Variants in ESRRG observed in about 807,000 individuals in gnomAD.
ESRRG encodes the protein estrogen related receptor gamma, also known as estrogen-related receptor gamma.
Under a neutral mutation model 44.0 loss-of-function variants are expected in ESRRG, and 13 were observed. The ratio of observed to expected loss-of-function variants is 0.30; its 90% CI spans 0.19 to 0.47. ESRRG has a LOEUF of 0.47. Among genes scored for constraint, ESRRG ranks in the 20% least tolerant of loss-of-function variants. ESRRG has a pLI of 1.00. For synonymous variants in ESRRG, 215 were observed against 214.6 expected (o/e 1.00, Z -0.02); for missense variants, 395 against 580.6 (o/e 0.68, Z 3.29).
intron 2 of ESRRG, among the ~76,000 whole-genome samples, chr1:216,815,477 T>G (rs541653129): frequency 6.6e-6 from 1 of 152,246 alleles, no homozygotes. Flanking sequence ...TGGAGTGGGA[T>G]ATGCTACACA....
chr1:216,640,744 G>A (rs1022834424), intron 3 of ESRRG, among the ~76,000 whole-genome samples: 6 of 152,112 alleles, frequency 3.9e-5, no homozygotes, highest in Non-Finnish European at 7.4e-5. Context: ...TTATTCAAGT[G>A]TACACCTGAA....
rs565704335 is a variant in ESRRG at position 216,704,767 on chromosome 1, A to AT, written c.56+18476dup. On this transcript the variant is annotated intron_variant, in intron 1 of 6. Transcript: ENST00000408911. ...TATAATGTAAAAATTGGAGGAGTAG[A>AT]TTTTTTTTAAATCATAATTTAAATA... Among the ~76,000 whole-genome samples the AT allele has an allele frequency of 2.1e-3, 319 of 151,430 alleles. 1 individual carries two copies. Among genetic ancestry groups the AT allele is most frequent in the African/African-American group, 7.5e-3 (310 of 41,458 alleles).
At chr1:217,037,882 A>T (rs976132424) in intron 1 of ESRRG, among the ~76,000 whole-genome samples, 11 of 152,210 alleles carry the variant, frequency 7.2e-5, no homozygotes, top group African/African-American at 2.4e-4. Context: ...GGCCCCATGC[A>T]AGTCCGAAAT....
At chr1:216,829,804 T>C (rs924058771) in intron 2 of ESRRG, among the ~76,000 whole-genome samples, 6 of 152,058 alleles carry the variant, frequency 3.9e-5, no homozygotes, top group African/African-American at 1.4e-4. Flanking sequence ...TCCACCCTCC[T>C]CGGCCTCCCA....
At chr1:216,866,365 C>G (rs565649571) in intron 2 of ESRRG, among the ~76,000 whole-genome samples, 10 of 152,036 alleles carry the variant, frequency 6.6e-5, no homozygotes, top group African/African-American at 2.4e-4. Flanking sequence ...AAGGATTGCT[C>G]TTATTGTTAT....
At chr1:216,722,214 CTT>C (rs2086492543) in intron 1 of ESRRG, among the ~76,000 whole-genome samples, 1 of 152,224 alleles carries the variant, frequency 6.6e-6, no homozygotes, top group African/African-American at 2.4e-5. Flanking sequence ...CAAGGGCACT[CTT>C]TTCAGAATTA....
chr1:216,866,263 G>T (rs2096155418), intron 2 of ESRRG, among the ~76,000 whole-genome samples: 1 of 152,168 alleles, frequency 6.6e-6, no homozygotes, highest in South Asian at 2.1e-4. Context: ...GGACAGTGTA[G>T]TAAGTGACCA....
intron 2 of ESRRG, among the ~76,000 whole-genome samples, chr1:216,866,505 C>T (rs932687815): frequency 3.9e-5 from 6 of 152,018 alleles, no homozygotes; most frequent in Admixed American, 2.6e-4. Context: ...TACTAGCTCT[C>T]CAATGTAGCA....
chr1:216,839,758 A>G (rs1027476812), intron 2 of ESRRG, among the ~76,000 whole-genome samples: 3 of 152,046 alleles, frequency 2.0e-5, no homozygotes, highest in Admixed American at 1.3e-4. Context: ...CTCCTTGTCC[A>G]TCTATCAGAG....
intron 5 of ESRRG, among the ~76,000 whole-genome samples, chr1:216,556,459 G>T (rs1207803396): frequency 6.6e-6 from 1 of 152,122 alleles, no homozygotes; most frequent in Admixed American, 6.6e-5. Context: ...TCAGCACTCA[G>T]GAATTGTTTT....
intron 2 of ESRRG, among the ~76,000 whole-genome samples, chr1:216,653,329 G>T (rs1279990253): frequency 2.6e-5 from 4 of 152,076 alleles, no homozygotes; most frequent in East Asian, 1.9e-4. Context: ...GTGGCATACC[G>T]CTGTCATCTT....
intron 2 of ESRRG, among the ~76,000 whole-genome samples, chr1:216,806,124 G>A (rs2094784130): frequency 6.6e-6 from 1 of 152,206 alleles, no homozygotes; most frequent in African/African-American, 2.4e-5. Flanking sequence ...TCTGCCTACA[G>A]TATGTGCAAG....
At chr1:216,955,883 C>T (rs574920099) in intron 1 of ESRRG, among the ~76,000 whole-genome samples, 1 of 152,104 alleles carries the variant, frequency 6.6e-6, no homozygotes, top group African/African-American at 2.4e-5. Flanking sequence ...TTGCCCATTT[C>T]TAATTGAATT....
At chr1:217,126,216 C>CCTACCTAG (rs2092887934) in intron 1 of ESRRG, among the ~76,000 whole-genome samples, 1 of 152,104 alleles carries the variant, frequency 6.6e-6, no homozygotes, top group South Asian at 2.1e-4. Context: ...TACCTAGCTA[C>CCTACCTAG]CTACCTAGCT....
At chr1:217,000,911 A>G (rs1004316839) in intron 1 of ESRRG, among the ~76,000 whole-genome samples, 11 of 152,224 alleles carry the variant, frequency 7.2e-5, no homozygotes, top group Admixed American at 2.0e-4. Context: ...TTTCCATTCA[A>G]TCAGGGACAA....
chr1:216,532,937 T>C (rs2049834306), intron 5 of ESRRG, among the ~76,000 whole-genome samples: 1 of 152,178 alleles, frequency 6.6e-6, no homozygotes. Context: ...GACAATACCA[T>C]TGATGATGTT....
intron 1 of ESRRG, among the ~76,000 whole-genome samples, chr1:217,119,415 T>C (rs1430983338): frequency 6.6e-6 from 1 of 152,182 alleles, no homozygotes; most frequent in Non-Finnish European, 1.5e-5. Context: ...AATCCAACAA[T>C]GGACCATGTA....
At chr1:216,707,119 T>C (rs1243375383) in intron 1 of ESRRG, among the ~76,000 whole-genome samples, 3 of 152,268 alleles carry the variant, frequency 2.0e-5, no homozygotes, top group African/African-American at 7.2e-5. Context: ...ATGAGTTTAC[T>C]AATTCAAACC....
chr1:216,722,736 T>C (rs185538505), intron 1 of ESRRG, among the ~76,000 whole-genome samples: 1 of 152,354 alleles, frequency 6.6e-6, no homozygotes, highest in East Asian at 1.9e-4. Context: ...GGCTAGCTTT[T>C]AAATTGTTCT....
Sources: gnomAD v4.1 joint callset for allele counts (sites outside exome capture counted in the v4.1 genomes callset) on GRCh38, gnomAD v4.1.1 for gene constraint, MANE v1.5 for transcripts, NCBI Gene and HGNC (gene_info 2026-07-23, HGNC 2026-07-21) for gene names.